PRKD1: variants seen among roughly 807,000 people sequenced by gnomAD.
The protein encoded by PRKD1 is serine/threonine-protein kinase D1.
A neutral mutation model predicts 95.9 loss-of-function variants in PRKD1; 63 were observed. That is an observed-to-expected ratio of 0.66 (90% CI 0.54 to 0.81). The LOEUF (loss-of-function observed/expected upper bound fraction) is 0.81, where lower values mean the gene tolerates loss of function less well. Ranked by LOEUF, PRKD1 falls within the 30% of genes least tolerant of loss-of-function variation. PRKD1 has a pLI of 0.00. For synonymous variants in PRKD1, 425 were observed against 423.1 expected (o/e 1.00, Z -0.05); for missense variants, 1,048 against 1,165.3 (o/e 0.90, Z 1.47).
At chr14:29,771,041 T>C (rs747045940) in intron 1 of PRKD1, among the ~76,000 whole-genome samples, 2 of 150,550 alleles carry the variant, frequency 1.3e-5, no homozygotes, top group Admixed American at 6.6e-5. Flanking sequence ...CTCTAAATAG[T>C]AACGTGAGAA....
intron 1 of PRKD1, among the ~76,000 whole-genome samples, chr14:29,916,957 G>C (rs1894912207): frequency 6.6e-6 from 1 of 151,974 alleles, no homozygotes; most frequent in Admixed American, 6.5e-5. Flanking sequence ...GCCACTTTTT[G>C]TAATGATAAG....
intron 1 of PRKD1, among the ~76,000 whole-genome samples, chr14:29,769,735 T>C (rs1452831568): frequency 1.3e-5 from 2 of 152,114 alleles, no homozygotes; most frequent in African/African-American, 2.4e-5. Flanking sequence ...CACAAATATA[T>C]TGAGAAACAG....
chr14:29,721,610 G>A (rs938413537), intron 2 of PRKD1, among the ~76,000 whole-genome samples: 3 of 152,000 alleles, frequency 2.0e-5, no homozygotes, highest in African/African-American at 4.8e-5. Flanking sequence ...CATGAAGAAG[G>A]CTTCAAATAC....
At chr14:29,854,627 G>T (rs1892429557) in intron 1 of PRKD1, among the ~76,000 whole-genome samples, 1 of 152,180 alleles carries the variant, frequency 6.6e-6, no homozygotes, top group Non-Finnish European at 1.5e-5. Flanking sequence ...ATTCAAACTG[G>T]TTGAATAAAT....
At chr14:29,663,598 G>A in intron 4 of PRKD1, 101 bp downstream of exon 4, 9 of 1,327,064 alleles carry the variant, frequency 6.8e-6, no homozygotes, top group Non-Finnish European at 9.5e-6. Context: ...CACCCTGGCT[G>A]CATTCTCCCT....
chr14:29,706,202 T>C (rs1433812572), intron 2 of PRKD1, among the ~76,000 whole-genome samples: 1 of 152,172 alleles, frequency 6.6e-6, no homozygotes, highest in Non-Finnish European at 1.5e-5. Flanking sequence ...CGAATGATGC[T>C]GAGCACCTTT....
chr14:29,857,405 G>A (rs943111054), intron 1 of PRKD1, among the ~76,000 whole-genome samples: 12 of 152,284 alleles, frequency 7.9e-5, no homozygotes, highest in Middle Eastern at 6.8e-3. Flanking sequence ...AAGAGAAAAA[G>A]TTAAAAAGCA....
At chr14:29,597,440 CAT>C in intron 16 of PRKD1, 49 bp downstream of exon 16, 1 of 1,439,938 alleles carries the variant, frequency 6.9e-7, no homozygotes, top group Non-Finnish European at 9.3e-7. Context: ...AAATTAATAA[CAT>C]AAACAAATAA....
At chr14:29,883,994 T>G (rs1481855757) in intron 1 of PRKD1, among the ~76,000 whole-genome samples, 1 of 152,224 alleles carries the variant, frequency 6.6e-6, no homozygotes, top group Admixed American at 6.5e-5. Flanking sequence ...TCTGCAGAGA[T>G]GATCATCAAA....
At chr14:29,901,042 G>C (rs1379225703) in intron 1 of PRKD1, among the ~76,000 whole-genome samples, 1 of 152,128 alleles carries the variant, frequency 6.6e-6, no homozygotes, top group Non-Finnish European at 1.5e-5. Context: ...GCACTTACTT[G>C]TTCACTGCAG....
chr14:29,591,373 C>A (rs1337674064), intron 16 of PRKD1: 1 of 152,096 alleles, frequency 6.6e-6, no homozygotes, highest in Non-Finnish European at 1.5e-5. Flanking sequence ...TATAATGTAT[C>A]TAACTTTGAA....
chr14:29,743,752 T>C (rs772443807), intron 1 of PRKD1, among the ~76,000 whole-genome samples: 6 of 152,194 alleles, frequency 3.9e-5, no homozygotes, highest in Non-Finnish European at 7.4e-5. Flanking sequence ...AATCTCTCTC[T>C]TTAAACTGCC....
chr14:29,840,475 T>C lies in PRKD1; in HGVS notation c.264+86774A>G, dbSNP rs140832065. Among the ~76,000 whole-genome samples the C allele has an allele frequency of 1.2e-3, 178 of 152,312 alleles. 1 individual carries two copies. The highest frequency in any genetic ancestry group is 4.1e-3 in the African/African-American group (170 of 41,562). On this transcript the variant is annotated intron_variant, in intron 1 of 17. Transcript: ENST00000331968. ...GTCTTCTTCTGAGCCCTCCAAACTG[T>C]TTCAACCTCTGCCTGTTACTCAGTT... is the stretch of plus-strand genomic sequence containing the variant.
chr14:29,840,460 G>A (rs950306159), intron 1 of PRKD1, among the ~76,000 whole-genome samples: 2 of 152,094 alleles, frequency 1.3e-5, no homozygotes, highest in African/African-American at 4.8e-5. Flanking sequence ...GTCTTCTTCT[G>A]AGCCCTCCAA....
rs45537631 is a variant in PRKD1, at chr14:29,902,879, A to C, written c.264+24370T>G. Among the ~76,000 whole-genome samples the C allele has an allele frequency of 4.2e-3, 639 of 152,322 alleles. 5 individuals carry two copies. The highest frequency in any genetic ancestry group is 0.014 in the African/African-American group (590 of 41,578). ...TCATCTATCTCACTTCAAGCTAGAC[A>C]TAACGACTGTTAGAATTTTCGAGAA... On this transcript the variant is annotated intron_variant, in intron 1 of 17. Coordinates refer to ENST00000331968, the MANE Select transcript of PRKD1 (RefSeq NM_002742.3).
chr14:29,893,166 T>C (rs1451346700), intron 1 of PRKD1, among the ~76,000 whole-genome samples: 1 of 152,148 alleles, frequency 6.6e-6, no homozygotes, highest in African/African-American at 2.4e-5. Flanking sequence ...GACAGATTAG[T>C]ATATTTTCAT....
At chr14:29,579,202 T>G (rs1892673350) in intron 16 of PRKD1, among the ~76,000 whole-genome samples, 1 of 151,976 alleles carries the variant, frequency 6.6e-6, no homozygotes, top group African/African-American at 2.4e-5. Flanking sequence ...ACTCTCCTTT[T>G]CTGGACATTA....
chr14:29,700,988 G>A (rs186620731), intron 2 of PRKD1, among the ~76,000 whole-genome samples: 10,818 of 90,046 alleles, frequency 0.12, 875 homozygotes, highest in African/African-American at 0.34. Context: ...GCGCGCGCGC[G>A]CACACACACA....
chr14:29,644,576 A>G (rs966864947), intron 4 of PRKD1, among the ~76,000 whole-genome samples: 2 of 151,096 alleles, frequency 1.3e-5, no homozygotes, highest in Non-Finnish European at 2.9e-5. Context: ...CTTGATCTAG[A>G]TGTCAGCAAC....
Sources: gnomAD v4.1 joint callset for allele counts (sites outside exome capture counted in the v4.1 genomes callset) on GRCh38, gnomAD v4.1.1 for gene constraint, MANE v1.5 for transcripts, NCBI Gene and HGNC (gene_info 2026-07-23, HGNC 2026-07-21) for gene names.